ITM2C: variants seen among roughly 807,000 people sequenced by gnomAD.
ITM2C encodes the protein integral membrane protein 2C, also known as BRICHOS domain containing 2C.
ITM2C carries 20 observed loss-of-function variants against 30.0 expected under a neutral mutation model. That is an observed-to-expected ratio of 0.67 (90% CI 0.47 to 0.97). The LOEUF (loss-of-function observed/expected upper bound fraction) is 0.97. ITM2C is among the 50% of genes least tolerant of loss of function. The pLI, the probability that ITM2C is intolerant of heterozygous loss-of-function variation, is 0.00. For synonymous variants in ITM2C, 167 were observed against 156.4 expected, an observed-to-expected ratio of 1.07 and a Z score of -0.51; for missense variants, 366 against 371.9, an observed-to-expected ratio of 0.98 and a Z score of 0.13.
Position 230,866,330 on chromosome 2 carries a change from C to G in ITM2C, c.120+1185C>G, listed in dbSNP as rs576665711. ...AGTCTTCCTGAACGCCTAGCCCCCT[C>G]CCCAGGTTTTGTGGCTCAGGTTCAG... is the stretch of plus-strand genomic sequence containing the variant. On this transcript the variant is annotated intron_variant, in intron 1 of 5. Coordinates refer to ENST00000326427, the MANE Select transcript of ITM2C (RefSeq NM_030926.6). 1.8e-4 allele frequency among the ~76,000 whole-genome samples: 27 copies of G among 152,346 alleles called. No homozygotes were observed. In the South Asian group the frequency reaches 5.2e-3, roughly 29 times the overall value.
At chr2:230,872,703 G>A (rs895643798) in intron 1 of ITM2C, among the ~76,000 whole-genome samples, 1 of 152,070 alleles carries the variant, frequency 6.6e-6, no homozygotes, top group East Asian at 1.9e-4. Flanking sequence ...ACTGCCGGTC[G>A]GTGCCTGTGG....
rs948279072 is a variant in ITM2C at position 230,871,505 on chromosome 2, G to A, written c.121-1912G>A. 2.4e-4 allele frequency among the ~76,000 whole-genome samples: 36 copies of A among 152,224 alleles called. 1 individual carries two copies. Among genetic ancestry groups the A allele is most frequent in the Admixed American group, 2.0e-3 (31 of 15,290 alleles). On this transcript the variant is annotated intron_variant, in intron 1 of 5. Coordinates refer to ENST00000326427, the MANE Select transcript of ITM2C (RefSeq NM_030926.6). Reference sequence around the variant, plus strand: ...GTTCCTGAGGGCCCTGTGCACTGTGGCCATGCCCGTCACTTGCTGGTGACC... The same window carrying A: ...GTTCCTGAGGGCCCTGTGCACTGTGACCATGCCCGTCACTTGCTGGTGACC...
intron 2 of ITM2C, among the ~76,000 whole-genome samples, chr2:230,873,761 T>A (rs932631671): frequency 6.6e-6 from 1 of 152,164 alleles, no homozygotes; most frequent in Non-Finnish European, 1.5e-5. Flanking sequence ...ATTTAGCCCC[T>A]TGTCCTGGGG....
chr2:230,873,686 G>C, intron 2 of ITM2C, 129 bp downstream of exon 2: 3 of 901,052 alleles, frequency 3.3e-6, no homozygotes, highest in Non-Finnish European at 4.8e-6. Context: ...CGAGTGCCCG[G>C]CCAGCCCACA....
intron 1 of ITM2C, among the ~76,000 whole-genome samples, chr2:230,871,997 C>A (rs1198327248): frequency 6.6e-6 from 1 of 152,232 alleles, no homozygotes; most frequent in Non-Finnish European, 1.5e-5. Flanking sequence ...GCCTGAACCA[C>A]CCCCCTCCAG....
intron 1 of ITM2C, among the ~76,000 whole-genome samples, chr2:230,871,927 G>T (rs1205917682): frequency 1.3e-5 from 2 of 152,232 alleles, no homozygotes; most frequent in Admixed American, 1.3e-4. Flanking sequence ...CGAAGCAGGC[G>T]CCCCCAGGGC....
intron 1 of ITM2C, among the ~76,000 whole-genome samples, chr2:230,871,839 G>C (rs1036353433): frequency 2.0e-5 from 3 of 152,234 alleles, no homozygotes; most frequent in Non-Finnish European, 4.4e-5. Flanking sequence ...AGCAGGGCGG[G>C]TCAGACCCTC....
chr2:230,864,659 G>A (rs1696975103), upstream of ITM2C: 1 of 155,052 alleles, frequency 6.4e-6, no homozygotes, highest in Non-Finnish European at 1.4e-5. This position sits in a 1 kb window ranked among gnomAD's most constrained non-coding sequence, Gnocchi z 4.3. Context: ...AAGGGATTAT[G>A]CTACGGAGAA....
chr2:230,864,995 C>A lies in ITM2C; in HGVS notation c.-31C>A. ...GAGACCGAGGCTGCACCGGCAGAGG[C>A]TGCGGGGCGGACGCGCGGGCCGGCG... On this transcript the variant is annotated 5_prime_UTR_variant, in exon 1 of 6. The change creates a new upstream start codon in the 5' untranslated region. Transcript: ENST00000326427. This position sits in a 1 kb window ranked among gnomAD's most constrained non-coding sequence, Gnocchi z 4.3. The A allele has an allele frequency of 6.9e-7, 1 of 1,446,276 alleles. No homozygotes were observed. 89.6% of individuals were successfully genotyped at this position (1,446,276 alleles called of 1,614,324 possible). A position where few individuals can be genotyped will look rare whatever the true frequency, so the allele number is the denominator to read the frequency against.
rs1035645051 is a variant in ITM2C at position 230,878,230 on chromosome 2, T to C, written c.*131T>C. On this transcript the variant is annotated 3_prime_UTR_variant, in exon 6 of 6. Coordinates refer to ENST00000326427, the MANE Select transcript of ITM2C (RefSeq NM_030926.6). This position sits in a 1 kb window ranked among gnomAD's most constrained non-coding sequence, Gnocchi z 4.5. ...CTATAGAGGTGACATGTCTCTCCAT[T>C]CCTCTCCAACCCTGCCCACCTCCCT... 5.2e-6 allele frequency: 3 copies of C among 573,270 alleles called. No individual in the cohort carries two copies. Among genetic ancestry groups the C allele is most frequent in the African/African-American group, 2.0e-5 (1 of 51,050 alleles). 35.5% of individuals were successfully genotyped at this position (573,270 alleles called of 1,614,324 possible).
intron 1 of ITM2C, among the ~76,000 whole-genome samples, chr2:230,868,511 G>A (rs10469680): frequency 0.036 from 5,483 of 152,120 alleles, 331 homozygotes; most frequent in African/African-American, 0.13. Flanking sequence ...ACGCACAGAT[G>A]TGGGCATGTA....
intron 2 of ITM2C, among the ~76,000 whole-genome samples, chr2:230,874,059 G>T (rs1697231832): frequency 6.6e-6 from 1 of 152,212 alleles, no homozygotes; most frequent in Non-Finnish European, 1.5e-5. Context: ...CTCCCCGGGG[G>T]ACCTGGGCAC....
chr2:230,875,833 T>TGGGGG, intron 3 of ITM2C, 25 bp downstream of exon 3: 1 of 134,764 alleles, frequency 7.4e-6, no homozygotes, highest in South Asian at 7.8e-5. Context: ...GGCCTGGGGG[T>TGGGGG]GGGGGGTGGG....
At chr2:230,868,459 G>T (rs1697084992) in intron 1 of ITM2C, among the ~76,000 whole-genome samples, 1 of 110,802 alleles carries the variant, frequency 9.0e-6, no homozygotes, top group African/African-American at 5.2e-5. Context: ...GCCTGTGCCT[G>T]CACTCACACA....
At chr2:230,873,373 G>C in intron 1 of ITM2C, 44 bp from the exon 2 acceptor site, 1 of 1,467,344 alleles carries the variant, frequency 6.8e-7, no homozygotes. Flanking sequence ...GGATTTCCAG[G>C]GGAGGGGCCC....
rs1236514345 is a variant in ITM2C, at chr2:230,865,489, G to T, written c.120+344G>T. 3 of 204,528 alleles carry T rather than the reference G, an allele frequency of 1.5e-5. No homozygotes were observed. The highest frequency in any genetic ancestry group is 1.2e-4 in the Admixed American group (2 of 16,726). The allele number at this position is 204,528 out of a possible 1,614,324, so 12.7% of individuals were successfully genotyped here. On this transcript the variant is annotated intron_variant, in intron 1 of 5. Transcript: ENST00000326427. This position sits in a 1 kb window ranked among gnomAD's most constrained non-coding sequence, Gnocchi z 6.8. The stretch of plus-strand genomic sequence containing the variant: ...AAGTTCGAGGAATGTTGGTGGGGGG[G>T]TACGCGTCTGGTTCCAATCAACTGG...
At chr2:230,872,343 C>T (rs912744412) in intron 1 of ITM2C, among the ~76,000 whole-genome samples, 1 of 152,146 alleles carries the variant, frequency 6.6e-6, no homozygotes, top group Non-Finnish European at 1.5e-5. Context: ...AGCAAGGGCC[C>T]GGGGGAAGGC....
chr2:230,867,079 G>A (rs1457712988), intron 1 of ITM2C, among the ~76,000 whole-genome samples: 1 of 152,154 alleles, frequency 6.6e-6, no homozygotes, highest in Non-Finnish European at 1.5e-5. Context: ...GTTTGTAATG[G>A]CCTTGAGCCT....
intron 1 of ITM2C, among the ~76,000 whole-genome samples, chr2:230,870,707 G>A (rs1371270886): frequency 6.6e-6 from 1 of 152,190 alleles, no homozygotes; most frequent in Non-Finnish European, 1.5e-5. Flanking sequence ...CCTCCCCCAG[G>A]ACAGGGAGAC....
Sources: gnomAD v4.1 joint callset for allele counts (sites outside exome capture counted in the v4.1 genomes callset) on GRCh38, gnomAD v4.1.1 for gene constraint, Gnocchi (gnomAD v3.1) non-coding constraint, MANE v1.5 for transcripts, NCBI Gene and HGNC (gene_info 2026-07-23, HGNC 2026-07-21) for gene names.